The following DIXDC1 variants were observed in gnomAD, a reference collection of about 807,000 sequenced individuals.
DIXDC1 encodes the protein dixin.
DIXDC1 carries 64 observed loss-of-function variants against 103.1 expected under a neutral mutation model. The ratio of observed to expected loss-of-function variants is 0.62; its 90% confidence interval spans 0.51 to 0.76. The LOEUF is 0.76. DIXDC1 is among the 30% of genes least tolerant of loss of function. The pLI, the probability that DIXDC1 is intolerant of heterozygous loss-of-function variation, is 0.00. For synonymous variants in DIXDC1, 266 were observed against 298.5 expected (o/e 0.89, Z 1.12); for missense variants, 759 against 834.2 (o/e 0.91, Z 1.11).
At chr11:111,991,000 G>A (rs1255040785) in intron 10 of DIXDC1, among the ~76,000 whole-genome samples, 1 of 152,054 alleles carries the variant, frequency 6.6e-6, no homozygotes, top group Non-Finnish European at 1.5e-5. Flanking sequence ...CCACCATGCC[G>A]AGCCTGAATA....
intron 5 of DIXDC1, chr11:111,975,860 A>G: frequency 5.1e-6 from 5 of 984,232 alleles, no homozygotes; most frequent in Non-Finnish European, 6.0e-6. Flanking sequence ...TTGAGGTCAT[A>G]TGGAACTCTT....
chr11:112,014,121 T>C (rs937856194), intron 17 of DIXDC1, among the ~76,000 whole-genome samples: 1 of 152,154 alleles, frequency 6.6e-6, no homozygotes, highest in East Asian at 1.9e-4. Flanking sequence ...ACCTCCAACA[T>C]TGGGGATCAA....
At chr11:111,992,862 G>A in intron 11 of DIXDC1, 89 bp from the exon 12 acceptor site, 1 of 1,328,822 alleles carries the variant, frequency 7.5e-7, no homozygotes, top group Non-Finnish European at 1.1e-6. Flanking sequence ...TACTGTAACT[G>A]CCAACATTAA....
intron 1 of DIXDC1, among the ~76,000 whole-genome samples, chr11:111,953,659 A>C (rs113620950): frequency 1.8e-4 from 27 of 152,218 alleles, no homozygotes; most frequent in African/African-American, 6.0e-4. Context: ...AATAAAATCA[A>C]CCAGAATTTG....
intron 2 of DIXDC1, among the ~76,000 whole-genome samples, chr11:111,967,045 C>T (rs1197894172): frequency 6.6e-6 from 1 of 152,202 alleles, no homozygotes; most frequent in African/African-American, 2.4e-5. Flanking sequence ...CTTCCTTCCT[C>T]TCAGGCTCCT....
intron 2 of DIXDC1, among the ~76,000 whole-genome samples, chr11:111,964,891 A>G (rs1859679085): frequency 6.6e-6 from 1 of 152,204 alleles, no homozygotes; most frequent in African/African-American, 2.4e-5. Context: ...TGGGAATATG[A>G]GGATGAGAAT....
At chr11:111,985,139 T>C in intron 7 of DIXDC1, 93 bp from the exon 8 acceptor site, 2 of 989,498 alleles carry the variant, frequency 2.0e-6, no homozygotes, top group South Asian at 1.4e-5. Flanking sequence ...GGCTGAGTTG[T>C]GATTTTAACT....
At position 111,995,528 on chromosome 11, in the gene DIXDC1, G is replaced by A. The variant is rs1451997031; in HGVS notation, c.1653G>A (p.Leu551=). The A allele has an allele frequency of 6.8e-6, 11 of 1,614,020 alleles. No individual in the cohort carries two copies. The highest frequency in any genetic ancestry group is 8.5e-6 in the Non-Finnish European group (10 of 1,179,910). Residue 551 remains leucine (L), a synonymous_variant, in exon 16 of 20, where the codon CTG becomes CTA. Coordinates refer to ENST00000440460, the MANE Select transcript of DIXDC1 (RefSeq NM_001037954.4). ...GCATTTCTAGCCTCATGGAGCGCCT[G>A]CATGTTATGGAGACGCAGAAGAAAC... ...EQGISSLMER[L]HVMETQKKQE...
chr11:111,969,840 C>T (rs192092667), intron 3 of DIXDC1, among the ~76,000 whole-genome samples: 1 of 152,260 alleles, frequency 6.6e-6, no homozygotes, highest in East Asian at 1.9e-4. Context: ...CACTCCTTCT[C>T]AACATAGTAC....
chr11:111,995,283 C>A (rs1860856742), intron 15 of DIXDC1, 120 bp from the exon 16 acceptor site: 4 of 1,418,232 alleles, frequency 2.8e-6, no homozygotes, highest in Admixed American at 2.0e-5. Context: ...AGTGGGCAAA[C>A]CATAGGCCTG....
chr11:111,957,124 T>C (rs1555170656), intron 1 of DIXDC1, among the ~76,000 whole-genome samples: 1 of 152,066 alleles, frequency 6.6e-6, no homozygotes. Flanking sequence ...GTGAGCTGTG[T>C]TTGTGCCACT....
chr11:111,952,170 A>G (rs371303141), intron 1 of DIXDC1, among the ~76,000 whole-genome samples: 1 of 152,138 alleles, frequency 6.6e-6, no homozygotes. Flanking sequence ...CCGTCTTAAA[A>G]TCTCTTTTTC....
In DIXDC1 at chr11:111,995,334, A is replaced by T. The variant is rs374326719; in HGVS notation, c.1528-69A>T. 47 of 1,587,374 alleles carry T rather than the reference A, an allele frequency of 3.0e-5. No individual in the cohort carries two copies. The African/African-American group carries it at 5.8e-4, about 19-fold the overall frequency. On this transcript the variant is annotated intron_variant, in intron 15 of 19. Coordinates refer to ENST00000440460, the MANE Select transcript of DIXDC1 (RefSeq NM_001037954.4). Reference sequence around the variant, plus strand: ...AATCTTCTGGAAACTTCTCTCCTATATCCTTTTAAGCCCAGTGGTTGGGAA... The same window carrying T: ...AATCTTCTGGAAACTTCTCTCCTATTTCCTTTTAAGCCCAGTGGTTGGGAA...
In DIXDC1 at chr11:111,980,780, A is replaced by T. The variant is rs782608370; in HGVS notation, c.700A>T (p.Ile234Phe). Residue 234 changes from isoleucine to phenylalanine, a missense_variant, in exon 6 of 20, where the codon ATT (isoleucine) becomes TTT (phenylalanine). Ile to Phe is a conservative substitution (Grantham distance 21, BLOSUM62 0). Transcript: ENST00000440460. ...SPIHSAKSES[I>F]ITQSEEKADF... ...AATCCACAGTGCAAAGAGCGAGTCC[A>T]TTATAACCCAGTCAGAAGAGAAGGC... is the stretch of plus-strand genomic sequence containing the variant. 6.8e-6 allele frequency: 11 copies of T among 1,613,872 alleles called. No homozygotes were observed. The highest frequency in any genetic ancestry group is 8.5e-6 in the Non-Finnish European group (10 of 1,179,892).
At chr11:112,007,872 A>G (rs1861286560) in intron 17 of DIXDC1, among the ~76,000 whole-genome samples, 1 of 150,808 alleles carries the variant, frequency 6.6e-6, no homozygotes, top group African/African-American at 2.5e-5. Flanking sequence ...TGTCAAGACC[A>G]TCGATGCTAT....
chr11:111,984,423 T>C (rs1555173604), intron 7 of DIXDC1, among the ~76,000 whole-genome samples: 8 of 152,118 alleles, frequency 5.3e-5, no homozygotes, highest in Non-Finnish European at 1.2e-4. Flanking sequence ...GGCGCATGCC[T>C]CTAATCCCAG....
intron 1 of DIXDC1, among the ~76,000 whole-genome samples, chr11:111,946,313 T>G (rs1233633029): frequency 1.3e-5 from 2 of 152,178 alleles, no homozygotes; most frequent in African/African-American, 4.8e-5. Context: ...TTTCACCGTG[T>G]TAGCCAGGAT....
intron 1 of DIXDC1, among the ~76,000 whole-genome samples, chr11:111,959,974 A>G (rs1215303058): frequency 1.3e-5 from 2 of 152,016 alleles, no homozygotes; most frequent in Non-Finnish European, 2.9e-5. Context: ...CACTGGCGCA[A>G]TCTCGACTCA....
In DIXDC1 at chr11:111,995,449, A is replaced by G. The variant is rs781824382; in HGVS notation, c.1574A>G (p.Asn525Ser). Residue 525 changes from asparagine (N) to serine (S), a missense_variant, in exon 16 of 20, where the codon AAC becomes AGC. Physicochemically the swap from Asn to Ser is conservative, Grantham distance 46. Around this residue, in one of 3 missense-constraint regions of DIXDC1, gnomAD observed 657 missense variants for 727.5 expected, o/e 0.90. Transcript: ENST00000440460. ...LVRDALRSLR[N>S]SFSGHDPQHH... Reference sequence around the variant, plus strand: ...CGAGATGCTCTCCGCAGCCTGCGCAACAGCTTCAGTGGCCACGATCCTCAG... The same window carrying G: ...CGAGATGCTCTCCGCAGCCTGCGCAGCAGCTTCAGTGGCCACGATCCTCAG... The G allele has an allele frequency of 1.6e-5, 26 of 1,613,656 alleles. No homozygotes were observed. Among genetic ancestry groups the G allele is most frequent in the Non-Finnish European group, 2.1e-5 (25 of 1,179,892 alleles).
Sources: gnomAD v4.1 joint callset for allele counts (sites outside exome capture counted in the v4.1 genomes callset) on GRCh38, gnomAD v4.1.1 for gene constraint, gnomAD v4.1.1 regional missense constraint, MANE v1.5 for transcripts, NCBI Gene and HGNC (gene_info 2026-07-23, HGNC 2026-07-21) for gene names.